MAP7: variants seen among roughly 807,000 people sequenced by gnomAD.
MAP7 encodes microtubule associated protein 7.
In MAP7, 52 loss-of-function variants were observed where a neutral mutation model predicts 94.8. The ratio of observed to expected loss-of-function variants is 0.55; its 90% CI spans 0.44 to 0.69. MAP7 has a LOEUF of 0.69. Ranked by LOEUF, MAP7 falls within the 30% of genes least tolerant of loss-of-function variation. MAP7 has a pLI of 0.00. For synonymous variants in MAP7, 350 were observed against 357.0 expected, an observed-to-expected ratio of 0.98 and a Z score of 0.22; for missense variants, 940 against 964.6, an observed-to-expected ratio of 0.97 and a Z score of 0.34.
intron 1 of MAP7, among the ~76,000 whole-genome samples, chr6:136,444,402 G>A (rs1357438930): frequency 2.6e-5 from 4 of 152,166 alleles, no homozygotes; most frequent in African/African-American, 7.2e-5. Context: ...TCTTCCAGAC[G>A]CTATTGTTTC....
At chr6:136,438,909 T>C (rs1002885556) in intron 1 of MAP7, among the ~76,000 whole-genome samples, 1 of 152,148 alleles carries the variant, frequency 6.6e-6, no homozygotes, top group East Asian at 1.9e-4. Flanking sequence ...TCATGGTAAT[T>C]TGATAGTAGA....
At chr6:136,457,559 T>C (rs1020815313) in intron 1 of MAP7, among the ~76,000 whole-genome samples, 1 of 151,754 alleles carries the variant, frequency 6.6e-6, no homozygotes, top group Admixed American at 6.6e-5. Flanking sequence ...GATGCAAAAA[T>C]ACTCAACAAA....
intron 1 of MAP7, among the ~76,000 whole-genome samples, chr6:136,510,901 A>G (rs966485684): frequency 2.0e-5 from 3 of 151,978 alleles, no homozygotes; most frequent in Admixed American, 1.3e-4. Flanking sequence ...GGAAACATCT[A>G]GCATAGGGTA....
rs1830031341 is a variant in MAP7 at position 136,550,167 on chromosome 6, C to A, written c.67+175G>T. Among the ~76,000 whole-genome samples the A allele has an allele frequency of 6.7e-6, 1 of 149,016 alleles. No individual in the cohort carries two copies. The highest frequency in any genetic ancestry group is 2.4e-5 in the African/African-American group (1 of 40,952). On this transcript the variant is annotated intron_variant, in intron 1 of 17. Coordinates refer to ENST00000354570, the MANE Select transcript of MAP7 (RefSeq NM_003980.6). This position sits in a 1 kb window ranked among gnomAD's most constrained non-coding sequence, Gnocchi z 5.1. ...CTGGCCGAGCCGCGGCGGCGAAGGG[C>A]GGGGGAAGGCGCTCTCGGAGCAGGG...
chr6:136,366,119 T>C (rs1365967913), intron 9 of MAP7, 101 bp from the exon 10 acceptor site: 2 of 1,269,896 alleles, frequency 1.6e-6, no homozygotes, highest in Non-Finnish European at 2.1e-6. Flanking sequence ...GATATTTAGC[T>C]CCGTGTATTT....
chr6:136,452,177 G>C (rs1801323751), intron 1 of MAP7, among the ~76,000 whole-genome samples: 1 of 147,654 alleles, frequency 6.8e-6, no homozygotes, highest in Non-Finnish European at 1.5e-5. Context: ...CTGGGAGACA[G>C]AGCAAGACTC....
At chr6:136,393,566 C>G (rs1345663536) in intron 3 of MAP7, among the ~76,000 whole-genome samples, 1 of 152,172 alleles carries the variant, frequency 6.6e-6, no homozygotes, top group Non-Finnish European at 1.5e-5. Flanking sequence ...AGTGCCATCT[C>G]TTCCAGAGCT....
chr6:136,411,227 C>T, intron 3 of MAP7, among the ~76,000 whole-genome samples: 1 of 152,202 alleles, frequency 6.6e-6, no homozygotes, highest in East Asian at 1.9e-4. Context: ...CTGGTAGCAC[C>T]TGTCTATAAG....
intron 1 of MAP7, among the ~76,000 whole-genome samples, chr6:136,456,919 AAAG>A (rs373352495): frequency 2.6e-5 from 4 of 151,960 alleles, no homozygotes; most frequent in East Asian, 1.9e-4. Context: ...AGAGCAAGAA[AAAG>A]AAGAACAGGG....
intron 1 of MAP7, among the ~76,000 whole-genome samples, chr6:136,431,072 T>C (rs1451374203): frequency 6.6e-6 from 1 of 152,202 alleles, no homozygotes; most frequent in East Asian, 1.9e-4. Context: ...TAATGACATG[T>C]ATATACCATG....
At chr6:136,446,887 C>A (rs575483846) in intron 1 of MAP7, among the ~76,000 whole-genome samples, 1 of 152,306 alleles carries the variant, frequency 6.6e-6, no homozygotes, top group African/African-American at 2.4e-5. Context: ...CATTTCTACA[C>A]AGAATAACAG....
At chr6:136,544,489 C>T (rs1829570459) in intron 1 of MAP7, among the ~76,000 whole-genome samples, 1 of 152,164 alleles carries the variant, frequency 6.6e-6, no homozygotes, top group Admixed American at 6.5e-5. Context: ...CTTTGAATCC[C>T]TTACCTCTCC....
intron 3 of MAP7, among the ~76,000 whole-genome samples, chr6:136,391,555 A>AAAACAACAAC (rs1554241525): frequency 2.0e-3 from 301 of 149,744 alleles, no homozygotes; most frequent in African/African-American, 6.1e-3. Context: ...GTATAATAAA[A>AAAACAACAAC]AACAACAACA....
intron 1 of MAP7, among the ~76,000 whole-genome samples, chr6:136,447,505 G>A (rs1261510600): frequency 2.0e-5 from 3 of 151,778 alleles, no homozygotes; most frequent in South Asian, 2.1e-4. Flanking sequence ...AACTGTTCTT[G>A]TAAACACTTT....
Position 136,362,590 on chromosome 6 carries a change from A to G in MAP7, c.1386T>C (p.Asn462=), listed in dbSNP as rs746731130. 1.2e-6 allele frequency: 2 copies of G among 1,614,022 alleles called. No homozygotes were observed. The highest frequency in any genetic ancestry group is 1.7e-6 in the Non-Finnish European group (2 of 1,180,010). ...CAGAAGTCTTAACAGAAGCACTGGC[A>G]TTCACAGTGGATGACGGGGCTGAGA... ...AMVSAPSSTV[N]ASASVKTSAG... The change falls in exon 11 of 18, where the codon AAT becomes AAC. Residue 462 remains asparagine, a synonymous_variant. Transcript: ENST00000354570.
intron 7 of MAP7, among the ~76,000 whole-genome samples, chr6:136,377,429 G>A (rs1776486812): frequency 6.6e-6 from 1 of 152,132 alleles, no homozygotes; most frequent in South Asian, 2.1e-4. Flanking sequence ...TTTCTACCTT[G>A]GATTATCTGC....
intron 3 of MAP7, among the ~76,000 whole-genome samples, chr6:136,399,650 G>A (rs759991214): frequency 4.6e-5 from 7 of 152,036 alleles, no homozygotes; most frequent in African/African-American, 7.2e-5. Context: ...CACTGTGCCT[G>A]GTCCAGTTTC....
chr6:136,486,414 C>A (rs1184323949), intron 1 of MAP7, among the ~76,000 whole-genome samples: 1 of 152,058 alleles, frequency 6.6e-6, no homozygotes, highest in African/African-American at 2.4e-5. Flanking sequence ...CTTTCACAGC[C>A]CTTTAAGTCT....
intron 1 of MAP7, among the ~76,000 whole-genome samples, chr6:136,431,606 C>G (rs1228140074): frequency 6.6e-6 from 1 of 152,004 alleles, no homozygotes; most frequent in East Asian, 1.9e-4. Context: ...TAACCTCTGC[C>G]TCCTGGATTC....
Sources: gnomAD v4.1 joint callset for allele counts (sites outside exome capture counted in the v4.1 genomes callset) on GRCh38, gnomAD v4.1.1 for gene constraint, Gnocchi (gnomAD v3.1) non-coding constraint, MANE v1.5 for transcripts, NCBI Gene and HGNC (gene_info 2026-07-23, HGNC 2026-07-21) for gene names.